The following NEDD4 variants were observed in gnomAD, a reference collection of about 807,000 sequenced individuals.
NEDD4 encodes NEDD4 E3 ubiquitin protein ligase.
A neutral mutation model predicts 144.9 loss-of-function variants in NEDD4; 99 were observed. That is an observed-to-expected ratio of 0.68 (90% CI 0.58 to 0.81). The LOEUF (loss-of-function observed/expected upper bound fraction) is 0.81. NEDD4 is among the 30% of genes least tolerant of loss of function. NEDD4 has a pLI of 0.00. For missense variants in NEDD4, 985 were observed against 1,065.9 expected (o/e 0.92, Z 1.06); for synonymous variants, 318 against 350.6 (o/e 0.91, Z 1.04).
intron 5 of NEDD4, among the ~76,000 whole-genome samples, chr15:55,912,732 T>G (rs1260441355): frequency 6.6e-6 from 1 of 152,150 alleles, no homozygotes. Context: ...GCTTCTTGAT[T>G]GAACTGACAA....
chr15:55,903,925 C>T (rs142185481), intron 5 of NEDD4, among the ~76,000 whole-genome samples: 2,841 of 150,542 alleles, frequency 0.019, 105 homozygotes, highest in African/African-American at 0.066. Flanking sequence ...TTTGTGAGGG[C>T]GAGGTGGGAG....
rs1005667385 is a variant in NEDD4 at position 55,895,541 on chromosome 15, A to G, written c.292-21533T>C. On this transcript the variant is annotated intron_variant, in intron 5 of 28. Transcript: ENST00000435532. The stretch of plus-strand genomic sequence containing the variant: ...AGGAAAGCTGGAGGCTCTGTGCCCA[A>G]CCTAATCTAGAGTTTCAAGATTCAG... Among the ~76,000 whole-genome samples the G allele has an allele frequency of 3.3e-5, 5 of 152,240 alleles. No homozygotes were observed. The South Asian group carries it at 8.3e-4, about 25-fold the overall frequency.
rs534661126 is a variant in NEDD4 at position 55,842,311 on chromosome 15, A to G, written c.1609-148T>C. The G allele has an allele frequency of 6.1e-5, 40 of 661,026 alleles. 1 individual carries two copies. The African/African-American group carries it at 6.2e-4, about 10-fold the overall frequency. The allele number at this position is 661,026 out of a possible 1,614,324, so 40.9% of individuals were successfully genotyped here. ...ATACTCAGGGAAAACACAACTAGGTATATTGTCTTGGTTTCCTCTATGGTA... is the reference window on the plus strand; with the variant it reads ...ATACTCAGGGAAAACACAACTAGGTGTATTGTCTTGGTTTCCTCTATGGTA... On this transcript the variant is annotated intron_variant, in intron 18 of 28. Coordinates refer to ENST00000435532, the MANE Select transcript of NEDD4 (RefSeq NM_006154.4).
chr15:55,985,255 A>G (rs181901971), intron 1 of NEDD4, among the ~76,000 whole-genome samples: 67 of 152,400 alleles, frequency 4.4e-4, no homozygotes, highest in Non-Finnish European at 6.9e-4. Flanking sequence ...TTCCTGGCGC[A>G]GAGCAGTCAA....
intron 4 of NEDD4, among the ~76,000 whole-genome samples, chr15:55,937,652 A>G (rs1169513076): frequency 1.3e-5 from 2 of 152,218 alleles, no homozygotes; most frequent in African/African-American, 2.4e-5. Context: ...TGATTTGTCA[A>G]TTACAAATAG....
At position 55,827,194 on chromosome 15, in the gene NEDD4, T is replaced by C. The variant is rs1317724640; in HGVS notation, c.*2703A>G. Reference sequence around the variant, plus strand: ...CTGATGAAATGCATTTGTAATACAATTTTGTTAAAAATTTTTAATAAGAGA... The same window carrying C: ...CTGATGAAATGCATTTGTAATACAACTTTGTTAAAAATTTTTAATAAGAGA... On this transcript the variant is annotated 3_prime_UTR_variant, in exon 29 of 29. Coordinates refer to ENST00000435532, the MANE Select transcript of NEDD4 (RefSeq NM_006154.4). The C allele has an allele frequency of 6.6e-6, 1 of 152,244 alleles. No homozygotes were observed. The highest frequency in any genetic ancestry group is 1.5e-5 in the Non-Finnish European group (1 of 68,048). 9.4% of individuals were successfully genotyped at this position (152,244 alleles called of 1,614,324 possible).
At chr15:55,982,706 G>A (rs2037823752) in intron 1 of NEDD4, among the ~76,000 whole-genome samples, 1 of 152,136 alleles carries the variant, frequency 6.6e-6, no homozygotes, top group South Asian at 2.1e-4. Context: ...TATAATCTGT[G>A]CATTTCACTC....
At chr15:55,926,586 A>C (rs1356989089) in intron 4 of NEDD4, among the ~76,000 whole-genome samples, 1 of 152,048 alleles carries the variant, frequency 6.6e-6, no homozygotes, top group Non-Finnish European at 1.5e-5. Flanking sequence ...TGGGCATCAT[A>C]GGGAGACCAT....
intron 14 of NEDD4, among the ~76,000 whole-genome samples, 159 bp from the exon 15 acceptor site, chr15:55,849,045 CCTT>C (rs2033871637): frequency 6.6e-6 from 1 of 152,122 alleles, no homozygotes; most frequent in Non-Finnish European, 1.5e-5. Flanking sequence ...AATATTTTCT[CCTT>C]CTAAAATCTA....
intron 17 of NEDD4, among the ~76,000 whole-genome samples, chr15:55,847,635 C>G (rs2033801586): frequency 6.7e-6 from 1 of 150,208 alleles, no homozygotes; most frequent in African/African-American, 2.5e-5. Context: ...GTGGATGTGT[C>G]TTACATACTG....
intron 1 of NEDD4, among the ~76,000 whole-genome samples, chr15:55,970,943 T>C (rs576868551): frequency 1.3e-5 from 2 of 152,084 alleles, no homozygotes; most frequent in Admixed American, 1.3e-4. Flanking sequence ...ACAAACTAAA[T>C]AGGGCACCAG....
At chr15:55,945,464 A>C (rs1422280106) in intron 4 of NEDD4, among the ~76,000 whole-genome samples, 6 of 152,196 alleles carry the variant, frequency 3.9e-5, no homozygotes, top group African/African-American at 1.2e-4. Flanking sequence ...AGTTTAGAGA[A>C]AAAAGAATAA....
intron 19 of NEDD4, among the ~76,000 whole-genome samples, chr15:55,841,592 C>G (rs1226715967): frequency 3.4e-5 from 5 of 149,196 alleles, no homozygotes; most frequent in African/African-American, 1.2e-4. Flanking sequence ...AAAATGGTAA[C>G]TTTTTTTTTT....
intron 5 of NEDD4, among the ~76,000 whole-genome samples, chr15:55,902,841 T>C (rs2035954269): frequency 6.6e-6 from 1 of 151,882 alleles, no homozygotes; most frequent in Non-Finnish European, 1.5e-5. Flanking sequence ...GAAGGAAATA[T>C]TTGAGAGAAA....
At chr15:55,921,141 C>A (rs1400529136) in intron 5 of NEDD4, among the ~76,000 whole-genome samples, 5 of 152,120 alleles carry the variant, frequency 3.3e-5, no homozygotes, top group African/African-American at 9.7e-5. Flanking sequence ...GTCATTGTCT[C>A]ATTTTATCCT....
In NEDD4 at chr15:55,842,068, G is replaced by A; in HGVS notation, c.1704C>T (p.Phe568=). The A allele has an allele frequency of 6.2e-7, 1 of 1,614,160 alleles. No homozygotes were observed. The highest frequency in any genetic ancestry group is 8.5e-7 in the Non-Finnish European group (1 of 1,180,032). The stretch of plus-strand genomic sequence containing the variant: ...ACTCAATCCACAGTCGAGCCTTCAG[G>A]AAGTCTGCTCTCTTGACACCCATAA... ...RRIMGVKRAD[F]LKARLWIEFD... Residue 568 remains phenylalanine (F), a synonymous_variant, in exon 19 of 29, where the codon TTC becomes TTT. Coordinates refer to ENST00000435532, the MANE Select transcript of NEDD4 (RefSeq NM_006154.4).
At chr15:55,964,729 G>A (rs942723952) in intron 2 of NEDD4, among the ~76,000 whole-genome samples, 1 of 130,976 alleles carries the variant, frequency 7.6e-6, no homozygotes, top group Admixed American at 7.9e-5. Context: ...GTGTGTGTGT[G>A]TCTGCTTATC....
intron 4 of NEDD4, among the ~76,000 whole-genome samples, chr15:55,930,045 T>C (rs1396550350): frequency 6.6e-6 from 1 of 152,042 alleles, no homozygotes; most frequent in African/African-American, 2.4e-5. Flanking sequence ...AAAAAGAGGA[T>C]TTTCTGAACA....
chr15:55,975,595 G>A (rs2037685425), intron 1 of NEDD4, among the ~76,000 whole-genome samples: 1 of 150,852 alleles, frequency 6.6e-6, no homozygotes, highest in African/African-American at 2.4e-5. Context: ...TCTCTACAAT[G>A]AAAACTATAG....
Sources: gnomAD v4.1 joint callset for allele counts (sites outside exome capture counted in the v4.1 genomes callset) on GRCh38, gnomAD v4.1.1 for gene constraint, MANE v1.5 for transcripts, NCBI Gene and HGNC (gene_info 2026-07-23, HGNC 2026-07-21) for gene names.